MEGF10: variants seen among roughly 807,000 people sequenced by gnomAD.
The protein encoded by MEGF10 is multiple epidermal growth factor-like domains protein 10.
In MEGF10, 86 loss-of-function variants were observed where a neutral mutation model predicts 147.5. The observed-to-expected ratio is 0.58, with a 90% CI of 0.49 to 0.70. MEGF10 has a LOEUF of 0.70. MEGF10 is among the 30% of genes least tolerant of loss of function. The pLI is 0.00. For synonymous variants in MEGF10, 478 were observed against 525.5 expected (o/e 0.91, Z 1.24); for missense variants, 1,329 against 1,487.3 (o/e 0.89, Z 1.75).
In MEGF10 at chr5:127,419,053, G is replaced by A. The variant is rs940736909; in HGVS notation, c.1306-67G>A. 3 of 1,524,044 alleles carry A rather than the reference G, an allele frequency of 2.0e-6. No individual in the cohort carries two copies. In the African/African-American group the frequency reaches 4.2e-5, roughly 21 times the overall value. 94.4% of individuals were successfully genotyped at this position (1,524,044 alleles called of 1,614,324 possible). On this transcript the variant is annotated intron_variant, in intron 10 of 24. Transcript: ENST00000503335. ...ATTAGCATTGCCAAGATATATTTTTGTTTATTTGTGTTGGCCTTATTTCAG... is the reference window on the plus strand; with the variant it reads ...ATTAGCATTGCCAAGATATATTTTTATTTATTTGTGTTGGCCTTATTTCAG...
At chr5:127,289,901 A>G (rs187467669), upstream of MEGF10, among the ~76,000 whole-genome samples, 10,172 of 152,148 alleles carry the variant, frequency 0.067, 437 homozygotes, top group African/African-American at 0.12. Flanking sequence ...GAATTCAACG[A>G]CACAAGAAAG....
intron 22 of MEGF10, among the ~76,000 whole-genome samples, chr5:127,452,893 G>A (rs561758988): frequency 2.0e-5 from 3 of 152,292 alleles, no homozygotes; most frequent in African/African-American, 7.2e-5. Flanking sequence ...CCCCAGCTAT[G>A]GGCTTGGTTA....
At chr5:127,454,756 C>T (rs1561657638) in intron 23 of MEGF10, 146 bp downstream of exon 23, 1 of 656,446 alleles carries the variant, frequency 1.5e-6, no homozygotes, top group African/African-American at 1.9e-5. Flanking sequence ...AACACACAAA[C>T]ATGTGTGACT....
At chr5:127,337,431 A>G (rs1761511476) in intron 2 of MEGF10, among the ~76,000 whole-genome samples, 1 of 152,118 alleles carries the variant, frequency 6.6e-6, no homozygotes, top group South Asian at 2.1e-4. Context: ...ATAGCTTTAA[A>G]TTTGAATTAT....
the MEGF10 span, among the ~76,000 whole-genome samples, chr5:127,274,169 T>A: frequency 6.6e-6 from 1 of 152,072 alleles, no homozygotes; most frequent in East Asian, 1.9e-4. Context: ...AGATCTGAGA[T>A]CTTATAAAAG....
chr5:127,449,045 G>GCT (rs1766054497), intron 21 of MEGF10, 54 bp from the exon 22 acceptor site: 1 of 1,604,586 alleles, frequency 6.2e-7, no homozygotes, highest in South Asian at 1.1e-5. Flanking sequence ...ATAACGCTGT[G>GCT]CTGTGCCGCA....
chr5:127,391,727 G>A (rs1763706183), intron 5 of MEGF10, among the ~76,000 whole-genome samples: 2 of 152,064 alleles, frequency 1.3e-5, no homozygotes, highest in Admixed American at 1.3e-4. Flanking sequence ...AATCATCATC[G>A]TCAAACAGAT....
intron 9 of MEGF10, among the ~76,000 whole-genome samples, chr5:127,413,463 AAAG>A (rs1764646660): frequency 6.6e-6 from 1 of 152,204 alleles, no homozygotes; most frequent in South Asian, 2.1e-4. Flanking sequence ...AAATGAATAA[AAAG>A]AAGTTCAATG....
At chr5:127,232,020 G>T in the MEGF10 span, among the ~76,000 whole-genome samples, 2 of 152,236 alleles carry the variant, frequency 1.3e-5, no homozygotes, top group Non-Finnish European at 2.9e-5. Context: ...TCCAAAGCAG[G>T]AGTGGCAGCA....
In MEGF10 at chr5:127,438,516, G is replaced by A. The variant is rs781645558; in HGVS notation, c.2182G>A (p.Asp728Asn). The A allele has an allele frequency of 1.4e-5, 22 of 1,613,996 alleles. No individual in the cohort carries two copies. The Admixed American group carries it at 1.8e-4, about 13-fold the overall frequency. ...TAATGGAGCTTTCTGCAGCGCCTACGATGGGGAATGTAAATGCACTCCTGG... is the reference window on the plus strand; with the variant it reads ...TAATGGAGCTTTCTGCAGCGCCTACAATGGGGAATGTAAATGCACTCCTGG... Reference protein sequence around the residue: ...CHNGAFCSAYDGECKCTPGWT... With the variant: ...CHNGAFCSAYNGECKCTPGWT... Residue 728 changes from aspartate to asparagine, a missense_variant, in exon 17 of 25, where the codon GAT becomes AAT. Physicochemically the swap from Asp to Asn is conservative, Grantham distance 23. Transcript: ENST00000503335.
the MEGF10 span, among the ~76,000 whole-genome samples, chr5:127,256,614 A>G: frequency 1.3e-5 from 2 of 152,022 alleles, no homozygotes; most frequent in Non-Finnish European, 2.9e-5. Context: ...AGACCCTATT[A>G]CTGTGGTCCC....
intron 4 of MEGF10, among the ~76,000 whole-genome samples, chr5:127,358,132 A>G (rs1358778092): frequency 6.6e-6 from 1 of 152,186 alleles, no homozygotes; most frequent in Non-Finnish European, 1.5e-5. Flanking sequence ...TTTCATACCG[A>G]AATGCAAAGG....
Position 127,375,289 on chromosome 5 carries a change from C to T in MEGF10, c.412+5287C>T, listed in dbSNP as rs138868677. Among the ~76,000 whole-genome samples, 188 of 152,184 alleles carry T rather than the reference C, an allele frequency of 1.2e-3. 1 individual carries two copies. The East Asian group carries it at 0.013, about 10-fold the overall frequency. ...CTGACAAATACTTTCAGTCCAATTT[C>T]AAAAGGCTTCTCTTTGAGATTTGAT... On this transcript the variant is annotated intron_variant, in intron 5 of 24. Transcript: ENST00000503335.
chr5:127,331,562 C>T (rs1761263082), intron 2 of MEGF10, 138 bp downstream of exon 2: 1 of 574,552 alleles, frequency 1.7e-6, no homozygotes, highest in African/African-American at 1.9e-5. Context: ...TTAGTCATAG[C>T]TAGCAAATTA....
chr5:127,309,125 C>T (rs1760147015), intron 1 of MEGF10, among the ~76,000 whole-genome samples: 1 of 152,148 alleles, frequency 6.6e-6, no homozygotes, highest in African/African-American at 2.4e-5. Context: ...AGTCCATGTG[C>T]AGTCCTTGTG....
rs777993703 is a variant in MEGF10, at chr5:127,340,589, A to G, written c.278A>G (p.Gln93Arg). 6.2e-7 allele frequency: 1 copy of G among 1,612,888 alleles called. No individual in the cohort carries two copies. Among genetic ancestry groups the G allele is most frequent in the Admixed American group, 1.7e-5 (1 of 59,958 alleles). ...GEKTMYRRKSQCCPGFYESGE... is the reference protein window; with the variant it reads ...GEKTMYRRKSRCCPGFYESGE... ...AAGACTATGTATAGGCGCAAGTCTC[A>G]GTGTTGTCCTGGATTTTATGAAAGC... The change falls in exon 4 of 25, where the codon CAG becomes CGG. Residue 93 changes from glutamine to arginine, a missense_variant. Around this residue, in one of 3 missense-constraint regions of MEGF10, gnomAD observed 980 missense variants for 1,085.9 expected, o/e 0.90. Transcript: ENST00000503335.
chr5:127,427,968 AG>A (rs1475252568), intron 13 of MEGF10, among the ~76,000 whole-genome samples: 1 of 151,610 alleles, frequency 6.6e-6, no homozygotes, highest in Non-Finnish European at 1.5e-5. Flanking sequence ...GTCTTGGGAG[AG>A]GGGATCATAT....
chr5:127,408,939 TG>T (rs990348872), intron 8 of MEGF10, among the ~76,000 whole-genome samples: 61 of 152,072 alleles, frequency 4.0e-4, no homozygotes, highest in African/African-American at 1.4e-3. Context: ...TAGCCTGACA[TG>T]GTGGCGAGTG....
chr5:127,411,805 G>A (rs1764574908), intron 9 of MEGF10, among the ~76,000 whole-genome samples: 1 of 152,170 alleles, frequency 6.6e-6, no homozygotes, highest in African/African-American at 2.4e-5. Flanking sequence ...CAGGATTAGG[G>A]ACAAGTCATG....
Sources: gnomAD v4.1 joint callset for allele counts (sites outside exome capture counted in the v4.1 genomes callset) on GRCh38, gnomAD v4.1.1 for gene constraint, gnomAD v4.1.1 regional missense constraint, MANE v1.5 for transcripts, NCBI Gene and HGNC (gene_info 2026-07-23, HGNC 2026-07-21) for gene names.